SESN1: variants seen among roughly 807,000 people sequenced by gnomAD.
SESN1 encodes the protein sestrin-1.
Under a neutral mutation model 59.3 loss-of-function variants are expected in SESN1, and 30 were observed. The ratio of observed to expected loss-of-function variants is 0.51; its 90% CI spans 0.38 to 0.69. SESN1 has a LOEUF of 0.69. SESN1 is among the 30% of genes least tolerant of loss of function. The pLI, the probability that SESN1 is intolerant of heterozygous loss-of-function variation, is 0.00. For synonymous variants in SESN1, 197 were observed against 219.9 expected, an observed-to-expected ratio of 0.90 and a Z score of 0.92; for missense variants, 566 against 673.0, an observed-to-expected ratio of 0.84 and a Z score of 1.76.
At chr6:109,060,692 C>T (rs1373006374) in intron 1 of SESN1, among the ~76,000 whole-genome samples, 2 of 152,118 alleles carry the variant, frequency 1.3e-5, no homozygotes, top group Non-Finnish European at 2.9e-5. Flanking sequence ...ACTTTAACTA[C>T]ATAGAATAAT....
At chr6:109,078,656 C>T (rs189795104) in intron 1 of SESN1, among the ~76,000 whole-genome samples, 17 of 152,152 alleles carry the variant, frequency 1.1e-4, no homozygotes, top group African/African-American at 3.4e-4. Context: ...ATTTGTTCTT[C>T]GATTTTCATT....
chr6:109,074,547 A>C (rs1652214939), intron 1 of SESN1, among the ~76,000 whole-genome samples: 1 of 152,250 alleles, frequency 6.6e-6, no homozygotes, highest in South Asian at 2.1e-4. Context: ...TAGCCAAAAT[A>C]CATAAGAATT....
intron 1 of SESN1, among the ~76,000 whole-genome samples, chr6:109,048,236 C>T (rs574872816): frequency 6.6e-6 from 1 of 152,232 alleles, no homozygotes; most frequent in African/African-American, 2.4e-5. Flanking sequence ...AATAAACATT[C>T]AGATATCTCC....
At position 109,094,361 on chromosome 6, in the gene SESN1, G is replaced by T. The variant is rs1781428071; in HGVS notation, c.-288C>A. ...GGCTTTGGTGGGCAGAGAATTTCGG[G>T]GAAGCGTTCTCCTCCGTCTCGCGGG... On this transcript the variant is annotated 5_prime_UTR_variant, in exon 1 of 10. Coordinates refer to ENST00000436639, the MANE Select transcript of SESN1 (RefSeq NM_014454.3). 2.3e-6 allele frequency: 1 copy of T among 439,550 alleles called. No homozygotes were observed. The allele number at this position is 439,550 out of a possible 1,614,324, so 27.2% of individuals were successfully genotyped here. A position where few individuals can be genotyped will look rare whatever the true frequency, so the allele number is the denominator to read the frequency against.
At chr6:109,022,802 G>A (rs1780033568) in intron 1 of SESN1, among the ~76,000 whole-genome samples, 1 of 152,106 alleles carries the variant, frequency 6.6e-6, no homozygotes, top group Non-Finnish European at 1.5e-5. Context: ...GGGAAACTCA[G>A]AGAGGTTAAG....
intron 1 of SESN1, among the ~76,000 whole-genome samples, chr6:109,012,114 A>G (rs1779869163): frequency 6.6e-6 from 1 of 152,244 alleles, no homozygotes. Flanking sequence ...ACATCTGCTG[A>G]AAAGATGAAC....
chr6:109,069,969 C>T (rs1007278667), intron 1 of SESN1, among the ~76,000 whole-genome samples: 1 of 152,174 alleles, frequency 6.6e-6, no homozygotes, highest in Non-Finnish European at 1.5e-5. Context: ...CTAATCCAAG[C>T]ATTACATCAC....
intron 1 of SESN1, among the ~76,000 whole-genome samples, chr6:109,078,813 AG>A (rs1449421716): frequency 6.6e-6 from 1 of 152,154 alleles, no homozygotes; most frequent in East Asian, 1.9e-4. Flanking sequence ...GTGGAGAGGG[AG>A]GTCTGCTATA....
intron 1 of SESN1, among the ~76,000 whole-genome samples, chr6:109,023,745 TA>T (rs1283047011): frequency 1.3e-5 from 2 of 152,106 alleles, no homozygotes; most frequent in Admixed American, 1.3e-4. Context: ...TCTAACAAAA[TA>T]AAATGAGTAA....
intron 1 of SESN1, among the ~76,000 whole-genome samples, chr6:109,030,935 A>G (rs1219917398): frequency 6.6e-6 from 1 of 152,182 alleles, no homozygotes; most frequent in Non-Finnish European, 1.5e-5. Context: ...TCCACTACTC[A>G]ACTGTTTAAA....
intron 5 of SESN1, among the ~76,000 whole-genome samples, chr6:108,997,289 G>A (rs1779520002): frequency 6.6e-6 from 1 of 152,104 alleles, no homozygotes; most frequent in South Asian, 2.1e-4. Flanking sequence ...CTTTAGCCTT[G>A]TACTAAATTA....
intron 1 of SESN1, among the ~76,000 whole-genome samples, chr6:109,037,891 C>T (rs1044524301): frequency 9.2e-5 from 14 of 151,672 alleles, no homozygotes; most frequent in Non-Finnish European, 1.5e-5. Context: ...AGTTGATGTT[C>T]AACGATGCCT....
At chr6:109,000,464 C>T in intron 4 of SESN1, 27 bp downstream of exon 4, 2 of 1,457,582 alleles carry the variant, frequency 1.4e-6, no homozygotes, top group Non-Finnish European at 1.8e-6. Flanking sequence ...TGAAATGACT[C>T]CCAAGATATA....
At chr6:109,071,889 C>T (rs771330157) in intron 1 of SESN1, among the ~76,000 whole-genome samples, 4 of 152,180 alleles carry the variant, frequency 2.6e-5, no homozygotes, top group Non-Finnish European at 1.5e-5. Context: ...AGGTCACTCT[C>T]GTTTTAGCAA....
At chr6:108,993,400 A>T (rs1280035237) in intron 6 of SESN1, among the ~76,000 whole-genome samples, 1 of 152,224 alleles carries the variant, frequency 6.6e-6, no homozygotes, top group Admixed American at 6.5e-5. Context: ...CATCATGTTT[A>T]GGAGTTGATG....
chr6:109,025,872 CAGAA>C (rs1221241439), intron 1 of SESN1, among the ~76,000 whole-genome samples: 1 of 149,432 alleles, frequency 6.7e-6, no homozygotes, highest in Non-Finnish European at 1.5e-5. Context: ...AAGGAGAAAA[CAGAA>C]AGAATAGGAC....
intron 1 of SESN1, among the ~76,000 whole-genome samples, chr6:109,035,641 G>A (rs983884276): frequency 3.3e-5 from 5 of 152,100 alleles, no homozygotes; most frequent in South Asian, 2.1e-4. Context: ...TTGAGAAGGG[G>A]TCTCACTCTG....
chr6:108,998,881 T>C, intron 4 of SESN1, 126 bp from the exon 5 acceptor site: 2 of 1,173,016 alleles, frequency 1.7e-6, no homozygotes, highest in Non-Finnish European at 2.3e-6. Flanking sequence ...AAATTATCAT[T>C]TGAAACATGT....
chr6:109,094,289 C>T lies in SESN1; in HGVS notation c.-216G>A. ...CTCTCCTTGTACACGAAAGGGCAGT[C>T]TTCTTTCTGGAAAAACAAAGTTTGA... On this transcript the variant is annotated 5_prime_UTR_variant, in exon 1 of 10. Coordinates refer to ENST00000436639, the MANE Select transcript of SESN1 (RefSeq NM_014454.3). 2 of 555,754 alleles carry T rather than the reference C, an allele frequency of 3.6e-6. No homozygotes were observed. Among genetic ancestry groups the T allele is most frequent in the Non-Finnish European group, 3.2e-6 (1 of 317,398 alleles). 34.4% of individuals were successfully genotyped at this position (555,754 alleles called of 1,614,324 possible).
Sources: allele counts gnomAD v4.1 joint callset (sites outside exome capture counted in the v4.1 genomes callset), GRCh38; gene constraint gnomAD v4.1.1; transcripts MANE v1.5; gene names NCBI Gene and HGNC (gene_info 2026-07-23, HGNC 2026-07-21).